The following TMEM233 variants were observed in gnomAD, a reference collection of about 807,000 sequenced individuals.
TMEM233 encodes dispanin subfamily B member 2.
TMEM233 carries 6 observed loss-of-function variants against 11.2 expected under a neutral mutation model. The observed-to-expected ratio is 0.54, with a 90% CI of 0.29 to 1.06. The LOEUF is 1.06. Among genes scored for constraint, TMEM233 ranks in the 50% least tolerant of loss-of-function variants. The probability of loss-of-function intolerance (pLI) is 0.08; values close to 1 mark genes in which losing one functional copy is unlikely to be tolerated. For synonymous variants in TMEM233, 59 were observed against 55.8 expected (o/e 1.06, Z -0.26); for missense variants, 127 against 144.7 (o/e 0.88, Z 0.63).
intron 2 of TMEM233, chr12:119,630,982 A>G (rs543458671): frequency 6.6e-6 from 1 of 152,278 alleles, no homozygotes; most frequent in South Asian, 2.1e-4. Flanking sequence ...GACTGGGACA[A>G]ATTTATTCTG....
In TMEM233 at chr12:119,594,157, C is replaced by T. The variant is rs1953979738; in HGVS notation, c.186+123C>T. ...CACGGCCCGGCCCGCGCTAGGTGTTCTTTGTCCTCGCACCTCCTCCTCACC... is the reference window on the plus strand; with the variant it reads ...CACGGCCCGGCCCGCGCTAGGTGTTTTTTGTCCTCGCACCTCCTCCTCACC... On this transcript the variant is annotated intron_variant, in intron 1 of 2. Transcript: ENST00000426426. This position sits in a 1 kb window ranked among gnomAD's most constrained non-coding sequence, Gnocchi z 5.6. The T allele has an allele frequency of 2.0e-6, 2 of 985,838 alleles. No individual in the cohort carries two copies. The highest frequency in any genetic ancestry group is 3.0e-6 in the Non-Finnish European group (2 of 675,570). The allele number at this position is 985,838 out of a possible 1,614,324, so 61.1% of individuals were successfully genotyped here. A position where few individuals can be genotyped will look rare whatever the true frequency, so the allele number is the denominator to read the frequency against.
chr12:119,615,206 A>AAAAAAAAAAAAAAAAAAAAAAAAAG (rs1954501487), intron 1 of TMEM233, among the ~76,000 whole-genome samples: 1 of 120,668 alleles, frequency 8.3e-6, no homozygotes, highest in East Asian at 2.5e-4. Flanking sequence ...AAAAAAAAAA[A>AAAAAAAAAAAAAAAAAAAAAAAAAG]CTGCCTCCTC....
At chr12:119,630,602 T>A (rs1954859076) in intron 2 of TMEM233, among the ~76,000 whole-genome samples, 1 of 152,254 alleles carries the variant, frequency 6.6e-6, no homozygotes, top group Non-Finnish European at 1.5e-5. Context: ...GTCTGTGGGC[T>A]GTAGTTTGCC....
intron 1 of TMEM233, among the ~76,000 whole-genome samples, chr12:119,613,099 A>G (rs1331781574): frequency 6.6e-6 from 1 of 151,692 alleles, no homozygotes. Flanking sequence ...TCCTAATGCT[A>G]TGCCTCCCCT....
At chr12:119,644,355 T>C (rs2136817216), downstream of TMEM233, among the ~76,000 whole-genome samples, 1 of 152,092 alleles carries the variant, frequency 6.6e-6, no homozygotes, top group East Asian at 1.9e-4. Context: ...AGGAGAGAGA[T>C]TTGCTAGGCA....
intron 2 of TMEM233, among the ~76,000 whole-genome samples, chr12:119,632,693 G>A (rs1242385128): frequency 6.6e-6 from 1 of 152,178 alleles, no homozygotes; most frequent in South Asian, 2.1e-4. Flanking sequence ...CACTTAGTAT[G>A]CAGGCCTCAT....
At chr12:119,650,505 C>T in the TMEM233 span, among the ~76,000 whole-genome samples, 1 of 152,222 alleles carries the variant, frequency 6.6e-6, no homozygotes, top group Admixed American at 6.5e-5. Flanking sequence ...GTGCAATGAC[C>T]TAATAGCCTA....
intron 1 of TMEM233, among the ~76,000 whole-genome samples, chr12:119,620,843 T>C (rs1001277943): frequency 6.6e-6 from 1 of 152,144 alleles, no homozygotes; most frequent in African/African-American, 2.4e-5. Flanking sequence ...AAAAAGCAAA[T>C]TGCAGAACAC....
At chr12:119,627,870 C>T (rs1006904396) in intron 1 of TMEM233, among the ~76,000 whole-genome samples, 34 of 152,234 alleles carry the variant, frequency 2.2e-4, no homozygotes, top group African/African-American at 7.2e-4. Flanking sequence ...TATGGCAACA[C>T]CCAGAAGCTA....
chr12:119,631,666 C>T, intron 2 of TMEM233: 1 of 985,434 alleles, frequency 1.0e-6, no homozygotes, highest in Non-Finnish European at 1.2e-6. Context: ...AGGGGAGCCA[C>T]AGAGTGTGGG....
rs112911693 is a variant in TMEM233 at position 119,603,783 on chromosome 12, A to C, written c.186+9749A>C. Among the ~76,000 whole-genome samples, 1,100 of 152,346 alleles carry C rather than the reference A, an allele frequency of 7.2e-3. 10 individuals carry two copies. The highest frequency in any genetic ancestry group is 0.025 in the African/African-American group (1,054 of 41,580). ...GCACAATGTCAAGCATGAAGTCCAC[A>C]TGTAACAAACATTTGATGAATGAAT... On this transcript the variant is annotated intron_variant, in intron 1 of 2. Transcript: ENST00000426426.
intron 1 of TMEM233, among the ~76,000 whole-genome samples, chr12:119,626,237 C>T (rs960212473): frequency 7.9e-5 from 12 of 152,142 alleles, no homozygotes; most frequent in Admixed American, 2.0e-4. Flanking sequence ...TCTGAGAGGC[C>T]GAGGCAAGTG....
chr12:119,603,103 T>C (rs1253534220), intron 1 of TMEM233, among the ~76,000 whole-genome samples: 2 of 144,204 alleles, frequency 1.4e-5, no homozygotes, highest in Non-Finnish European at 3.0e-5. Context: ...AAAATAAAAA[T>C]AAAAATAAAA....
intron 1 of TMEM233, among the ~76,000 whole-genome samples, chr12:119,619,620 G>A (rs533339183): frequency 1.9e-4 from 29 of 150,438 alleles, no homozygotes; most frequent in African/African-American, 6.8e-4. Flanking sequence ...CAGCCTGGGT[G>A]ACAGAGCGAG....
At chr12:119,628,726 T>A (rs1169778658) in intron 1 of TMEM233, among the ~76,000 whole-genome samples, 1 of 149,302 alleles carries the variant, frequency 6.7e-6, no homozygotes, top group Non-Finnish European at 1.5e-5. Context: ...GGTCTTGATC[T>A]CCTGACCTCG....
chr12:119,627,553 G>A (rs1290929244), intron 1 of TMEM233, among the ~76,000 whole-genome samples: 4 of 152,116 alleles, frequency 2.6e-5, no homozygotes, highest in African/African-American at 4.8e-5. Context: ...GCAAGAGAAC[G>A]ATGCCAGGCT....
In TMEM233 at chr12:119,642,433, G is replaced by A. The variant is rs2136813170; in HGVS notation, c.*1728G>A. 6.6e-6 allele frequency: 1 copy of A among 151,334 alleles called. No individual in the cohort carries two copies. Among genetic ancestry groups the A allele is most frequent in the East Asian group, 1.9e-4 (1 of 5,152 alleles). The allele number at this position is 151,334 out of a possible 1,614,324, so 9.4% of individuals were successfully genotyped here. ...CTACACTCCAGCCCGGGGTGACAGA[G>A]CAAGACTCCATCTCAAAAAAAAAAG... On this transcript the variant is annotated 3_prime_UTR_variant, in exon 3 of 3. Transcript: ENST00000426426.
downstream of TMEM233, among the ~76,000 whole-genome samples, chr12:119,644,171 C>A (rs1955122160): frequency 6.6e-6 from 1 of 152,140 alleles, no homozygotes; most frequent in Non-Finnish European, 1.5e-5. Flanking sequence ...GGCCACTGTA[C>A]CAACATAAAT....
At chr12:119,603,566 A>G (rs1332914193) in intron 1 of TMEM233, among the ~76,000 whole-genome samples, 1 of 151,964 alleles carries the variant, frequency 6.6e-6, no homozygotes, top group Non-Finnish European at 1.5e-5. Flanking sequence ...TAAAATGCAG[A>G]CTCCACTCCT....
Sources: gnomAD v4.1 joint callset for allele counts (sites outside exome capture counted in the v4.1 genomes callset) on GRCh38, gnomAD v4.1.1 for gene constraint, Gnocchi (gnomAD v3.1) non-coding constraint, MANE v1.5 for transcripts, NCBI Gene and HGNC (gene_info 2026-07-23, HGNC 2026-07-21) for gene names.